Variants in FANCD2 observed in about 807,000 individuals in gnomAD.
FANCD2 encodes Fanconi anemia group D2 protein.
Under a neutral mutation model 192.3 loss-of-function variants are expected in FANCD2, and 131 were observed. The observed-to-expected ratio is 0.68, with a 90% CI of 0.59 to 0.79. The LOEUF (loss-of-function observed/expected upper bound fraction) is 0.79, where lower values mean the gene tolerates loss of function less well. Ranked by LOEUF, FANCD2 falls within the 30% of genes least tolerant of loss-of-function variation. The probability of loss-of-function intolerance (pLI) is 0.00; values close to 1 mark genes in which losing one functional copy is unlikely to be tolerated. For missense variants in FANCD2, 1,508 were observed against 1,701.6 expected (o/e 0.89, Z 2.00); for synonymous variants, 524 against 612.5 (o/e 0.86, Z 2.13).
intron 19 of FANCD2, among the ~76,000 whole-genome samples, 172 bp downstream of exon 19, chr3:10,060,575 A>G (rs780767670): frequency 3.3e-5 from 5 of 152,194 alleles, no homozygotes; most frequent in South Asian, 4.1e-4. Context: ...ATTACCATGT[A>G]TATGTTTTGC....
At position 10,090,388 on chromosome 3, in the gene FANCD2, G is replaced by A; in HGVS notation, c.3777+3G>A. 6.3e-7 allele frequency: 1 copy of A among 1,578,008 alleles called. No individual in the cohort carries two copies. The highest frequency in any genetic ancestry group is 1.7e-5 in the Admixed American group (1 of 59,084). On this transcript the variant is annotated splice_donor_region_variant and intron_variant, in intron 37 of 43. Coordinates refer to ENST00000675286, the MANE Select transcript of FANCD2 (RefSeq NM_001018115.3). ...GCACAGCAGCAGACTCGCAGCAGGT[G>A]AGTAAGATAATAGTCACTTCAAGAA...
At position 10,032,874 on chromosome 3, in the gene FANCD2, A is replaced by G. The variant is rs2124970667; in HGVS notation, c.107A>G (p.His36Arg). ...CTTTCCAAAAAGACAAAGAAATCTC[A>G]TATTGCTAATGAAGTTGAAGAAAAT... ...QPLSKKTKKS[H>R]IANEVEENDS... is the part of the protein sequence containing the mutation. The change falls in exon 3 of 44, where the codon CAT (histidine) becomes CGT (arginine). Residue 36 changes from histidine (H) to arginine (R), a missense_variant. Physicochemically the swap from His to Arg is conservative, Grantham distance 29. Transcript: ENST00000675286. The G allele has an allele frequency of 5.6e-6, 9 of 1,609,364 alleles. No homozygotes were observed. Among genetic ancestry groups the G allele is most frequent in the South Asian group, 1.1e-5 (1 of 90,828 alleles).
rs1399931541 is a variant in FANCD2 at position 10,034,758 on chromosome 3, T to G, written c.337T>G (p.Cys113Gly). 2 of 1,568,158 alleles carry G rather than the reference T, an allele frequency of 1.3e-6. No homozygotes were observed. Among genetic ancestry groups the G allele is most frequent in the Non-Finnish European group, 1.7e-6 (2 of 1,156,124 alleles). Reference protein sequence around the residue: ...YIEDEDSFRNCLLSCERLQDE... With the variant: ...YIEDEDSFRNGLLSCERLQDE... The stretch of plus-strand genomic sequence containing the variant: ...TGAGGATGAAGACAGTTTCAGGAAC[T>G]GCCTTTTGTCTTGTGAGCGTCTGCA... Residue 113 changes from cysteine to glycine, a missense_variant, in exon 5 of 44, where the codon TGC (cysteine) becomes GGC (glycine). Physicochemically the swap from Cys to Gly is radical, Grantham distance 159. This residue lies in a region of FANCD2 where 435 missense variants were observed against 421.9 expected (regional missense o/e 1.03). Coordinates refer to ENST00000675286, the MANE Select transcript of FANCD2 (RefSeq NM_001018115.3).
At chr3:10,069,716 A>G (rs950806865) in intron 26 of FANCD2, among the ~76,000 whole-genome samples, 10 of 152,110 alleles carry the variant, frequency 6.6e-5, no homozygotes, top group African/African-American at 1.4e-4. Context: ...CGCTAGCCTC[A>G]GCCTCCCGAG....
chr3:10,066,037 T>A, intron 25 of FANCD2, 58 bp downstream of exon 25: 1 of 1,128,316 alleles, frequency 8.9e-7, no homozygotes, highest in Non-Finnish European at 1.3e-6. Context: ...CAAAACTATT[T>A]TCTTAGTTCC....
intron 37 of FANCD2, among the ~76,000 whole-genome samples, chr3:10,091,328 G>T (rs569954735): frequency 1.7e-4 from 26 of 150,812 alleles, no homozygotes; most frequent in African/African-American, 6.1e-4. Flanking sequence ...CAATCCTCCC[G>T]CCTCAGCCTC....
At chr3:10,053,936 A>T (rs1041021559) in intron 18 of FANCD2, among the ~76,000 whole-genome samples, 1 of 152,110 alleles carries the variant, frequency 6.6e-6, no homozygotes, top group Non-Finnish European at 1.5e-5. Context: ...GGCGCCATTC[A>T]CTGAAAAAGC....
At position 10,036,274 on chromosome 3, in the gene FANCD2, T is replaced by C; in HGVS notation, c.439-13T>C. ...TGAGATCATCTCCTAACTCCCTATG[T>C]CTTCTTTTTTAGCCTGCCATTATCA... is the stretch of plus-strand genomic sequence containing the variant. On this transcript the variant is annotated splice_polypyrimidine_tract_variant and intron_variant, in intron 6 of 43. Transcript: ENST00000675286. The C allele has an allele frequency of 7.5e-6, 12 of 1,607,186 alleles. No individual in the cohort carries two copies. Among genetic ancestry groups the C allele is most frequent in the Non-Finnish European group, 1.0e-5 (12 of 1,174,118 alleles).
At chr3:10,062,753 A>G (rs1039608643) in intron 20 of FANCD2, among the ~76,000 whole-genome samples, 5 of 151,364 alleles carry the variant, frequency 3.3e-5, no homozygotes, top group Non-Finnish European at 2.9e-5. Flanking sequence ...CTCTGTCGCC[A>G]AGGCTGGAGT....
At chr3:10,092,517 T>C (rs910649845) in intron 38 of FANCD2, among the ~76,000 whole-genome samples, 1 of 151,676 alleles carries the variant, frequency 6.6e-6, no homozygotes, top group African/African-American at 2.4e-5. Flanking sequence ...TCCCTCACTT[T>C]TTCACCTTGC....
At chr3:10,039,878 G>T in intron 9 of FANCD2, 33 bp downstream of exon 9, 1 of 1,613,572 alleles carries the variant, frequency 6.2e-7, no homozygotes. Flanking sequence ...TCTAAGTGAG[G>T]CTCAGCTATG....
At position 10,073,261 on chromosome 3, in the gene FANCD2, C is replaced by G; in HGVS notation, c.2614C>G (p.Gln872Glu). Residue 872 changes from glutamine to glutamate, a missense_variant, in exon 28 of 44, where the codon CAA (glutamine) becomes GAA (glutamate). Around this residue, in one of 5 missense-constraint regions of FANCD2, gnomAD observed 796 missense variants for 879.4 expected, o/e 0.91. Coordinates refer to ENST00000675286, the MANE Select transcript of FANCD2 (RefSeq NM_001018115.3). Reference protein sequence around the residue: ...IRKKGKIERKQKTDGSKTSSS... With the variant: ...IRKKGKIERKEKTDGSKTSSS... ...TCTTTTTAATATAAAAGAAAGGAAA[C>G]AAAAAACAGATGGCAGCAAGACATC... is the stretch of plus-strand genomic sequence containing the variant. 6.2e-7 allele frequency: 1 copy of G among 1,613,186 alleles called. No individual in the cohort carries two copies. Among genetic ancestry groups the G allele is most frequent in the Non-Finnish European group, 8.5e-7 (1 of 1,179,352 alleles).
At chr3:10,090,803 G>A (rs999435524) in intron 37 of FANCD2, among the ~76,000 whole-genome samples, 3 of 152,062 alleles carry the variant, frequency 2.0e-5, no homozygotes, top group Non-Finnish European at 4.4e-5. Flanking sequence ...TTTCTCCTAA[G>A]CTGTTTTTTG....
rs562980879 is a variant in FANCD2 at position 10,053,623 on chromosome 3, G to GA, written c.1656+1137dup. Among the ~76,000 whole-genome samples, 163 of 142,570 alleles carry GA rather than the reference G, an allele frequency of 1.1e-3. 1 individual carries two copies. The South Asian group carries it at 0.017, about 15-fold the overall frequency. 93.5% of individuals were successfully genotyped at this position (142,570 alleles called of 152,430 possible). Reference sequence around the variant, plus strand: ...ATTTTAAACCTCTTGAAATTTGCTAGAAAAAAAAAAACAAGCAAATGATAG... The same window carrying GA: ...ATTTTAAACCTCTTGAAATTTGCTAGAAAAAAAAAAAACAAGCAAATGATAG... On this transcript the variant is annotated intron_variant, in intron 18 of 43. Coordinates refer to ENST00000675286, the MANE Select transcript of FANCD2 (RefSeq NM_001018115.3).
chr3:10,050,316 C>G lies in FANCD2; in HGVS notation c.1545+811C>G, dbSNP rs989006887. ...CAATTTGGTGTTAGAATTAACATGA[C>G]TTGGTGACTGTTAAGAATATGTGGC... On this transcript the variant is annotated intron_variant, in intron 17 of 43. Transcript: ENST00000675286. 5.9e-5 allele frequency among the ~76,000 whole-genome samples: 9 copies of G among 151,974 alleles called. No individual in the cohort carries two copies. In the East Asian group the frequency reaches 1.4e-3, roughly 23 times the overall value.
intron 30 of FANCD2, 65 bp downstream of exon 30, chr3:10,078,262 T>A: frequency 9.2e-7 from 1 of 1,086,376 alleles, no homozygotes; most frequent in Non-Finnish European, 1.4e-6. Context: ...GGTATTATGA[T>A]GAAAAAGTTG....
At chr3:10,026,573 C>G in intron 1 of FANCD2, 100 bp downstream of exon 1, 1 of 245,670 alleles carries the variant, frequency 4.1e-6, no homozygotes, top group Non-Finnish European at 6.5e-6. Flanking sequence ...TCTGGGGCTC[C>G]GCGCCCCGAA....
chr3:10,098,719 G>T lies in FANCD2; in HGVS notation c.4186-1G>T. Reference sequence around the variant, plus strand: ...CATTTTCTTGGTCCATTCACATTTAGGGTGAAGAGATTAAGTCCCAAAATT... The same window carrying T: ...CATTTTCTTGGTCCATTCACATTTATGGTGAAGAGATTAAGTCCCAAAATT... On this transcript the variant is annotated splice_acceptor_variant, in intron 42 of 43. Transcript: ENST00000675286. LOFTEE classifies it high-confidence loss of function. 1 of 1,614,070 alleles carries T rather than the reference G, an allele frequency of 6.2e-7. No homozygotes were observed. The highest frequency in any genetic ancestry group is 8.5e-7 in the Non-Finnish European group (1 of 1,179,992).
Position 10,035,230 on chromosome 3 carries a change from G to A in FANCD2, c.435G>A (p.Leu145=), listed in dbSNP as rs1437553103. Residue 145 remains leucine, a synonymous_variant, in exon 6 of 44, where the codon CTG becomes CTA. Transcript: ENST00000675286. ...AACTGCTTCTGGGGATTGACATACT[G>A]CAGGTAAGACTGTCACTTTTTCTGT... ...LIKLLLGIDI[L]QPAIIKTLFE... 4.3e-6 allele frequency: 7 copies of A among 1,612,826 alleles called. No individual in the cohort carries two copies. The highest frequency in any genetic ancestry group is 5.1e-6 in the Non-Finnish European group (6 of 1,178,978).
Sources: gnomAD v4.1 joint callset for allele counts (sites outside exome capture counted in the v4.1 genomes callset) on GRCh38, gnomAD v4.1.1 for gene constraint, gnomAD v4.1.1 regional missense constraint, MANE v1.5 for transcripts, NCBI Gene and HGNC (gene_info 2026-07-23, HGNC 2026-07-21) for gene names.